Variants in RIMS2 observed in about 807,000 individuals in gnomAD.
RIMS2 encodes regulating synaptic membrane exocytosis protein 2.
In RIMS2, 59 loss-of-function variants were observed where a neutral mutation model predicts 174.4. That is an observed-to-expected ratio of 0.34 (90% confidence interval 0.27 to 0.42). The LOEUF is 0.42. RIMS2 is among the 10% of genes least tolerant of loss of function. The probability of loss-of-function intolerance (pLI) is 1.00; values close to 1 mark genes in which losing one functional copy is unlikely to be tolerated. For missense variants in RIMS2, 1,620 were observed against 1,666.3 expected (o/e 0.97, Z 0.48); for synonymous variants, 606 against 572.5 (o/e 1.06, Z -0.84).
At chr8:103,798,521 G>C (rs1359408407) in intron 3 of RIMS2, among the ~76,000 whole-genome samples, 1 of 152,052 alleles carries the variant, frequency 6.6e-6, no homozygotes, top group Admixed American at 6.6e-5. Context: ...GATACAGTGA[G>C]GTTTGTTAAT....
intron 16 of RIMS2, among the ~76,000 whole-genome samples, chr8:103,980,291 C>G (rs945217617): frequency 6.6e-6 from 1 of 152,070 alleles, no homozygotes; most frequent in Non-Finnish European, 1.5e-5. Context: ...AGCCCCCGTT[C>G]TAGGCCCTAG....
intron 6 of RIMS2, among the ~76,000 whole-genome samples, chr8:103,912,816 C>T (rs1005303954): frequency 2.0e-5 from 3 of 151,944 alleles, no homozygotes; most frequent in African/African-American, 7.2e-5. Context: ...CCAATTAAAA[C>T]CTGAAATGAA....
At chr8:103,989,349 G>T in exon 17 of RIMS2, 1 of 1,613,660 alleles carries the variant, frequency 6.2e-7, no homozygotes, top group Non-Finnish European at 8.5e-7. Context: ...ACTATGACCG[G>T]ACATTATAAT....
intron 1 of RIMS2, among the ~76,000 whole-genome samples, chr8:103,636,794 C>G (rs4133773): frequency 1.8e-4 from 10 of 55,544 alleles, no homozygotes; most frequent in Non-Finnish European, 4.1e-4. Context: ...CCGCACCCCC[C>G]CCCCCCCACA....
chr8:103,837,811 T>G (rs907841979), intron 3 of RIMS2, among the ~76,000 whole-genome samples: 2 of 151,630 alleles, frequency 1.3e-5, no homozygotes, highest in African/African-American at 2.4e-5. Context: ...GAATAGTGCC[T>G]CAATAAACAT....
At chr8:104,025,514 T>C (rs2096234192) in intron 19 of RIMS2, among the ~76,000 whole-genome samples, 1 of 152,030 alleles carries the variant, frequency 6.6e-6, no homozygotes, top group Non-Finnish European at 1.5e-5. Context: ...CAAAAAAGTT[T>C]GAAGTTGGGA....
At chr8:104,143,320 A>T (rs557349905) in intron 19 of RIMS2, among the ~76,000 whole-genome samples, 1 of 152,324 alleles carries the variant, frequency 6.6e-6, no homozygotes, top group Non-Finnish European at 1.5e-5. Context: ...ATTTTAGGAA[A>T]GGAATGGTAT....
At chr8:103,741,555 C>G (rs1030762771) in intron 2 of RIMS2, among the ~76,000 whole-genome samples, 1 of 151,980 alleles carries the variant, frequency 6.6e-6, no homozygotes. Context: ...GTGAGTCATT[C>G]TGTCTGTTTC....
In RIMS2 at chr8:103,894,178, T is replaced by C. The variant is rs189146553; in HGVS notation, c.1624+7955T>C. Reference sequence around the variant, plus strand: ...TAACTATTTTAAGAGAAACTTATACTGTGGTAAAGTTATTTCAACAATTAA... The same window carrying C: ...TAACTATTTTAAGAGAAACTTATACCGTGGTAAAGTTATTTCAACAATTAA... On this transcript the variant is annotated intron_variant, in intron 4 of 23. Transcript: ENST00000504942. Among the ~76,000 whole-genome samples the C allele has an allele frequency of 5.7e-4, 83 of 146,482 alleles. 1 individual carries two copies. The highest frequency in any genetic ancestry group is 1.9e-3 in the African/African-American group (74 of 39,608).
chr8:103,948,319 A>G lies in RIMS2; in HGVS notation c.2701+5393A>G, dbSNP rs184995802. The stretch of plus-strand genomic sequence containing the variant: ...TTAAAAATAAATTTACCGTATGACC[A>G]CTAATTCACCTTCAAGAGAAATGAA... On this transcript the variant is annotated intron_variant, in intron 14 of 23. Transcript: ENST00000504942. 1.9e-3 allele frequency among the ~76,000 whole-genome samples: 297 copies of G among 152,346 alleles called. 2 individuals are homozygous for G. The highest frequency in any genetic ancestry group is 6.9e-3 in the African/African-American group (288 of 41,592).
At chr8:103,716,345 T>C (rs2138200601) in intron 2 of RIMS2, 25 bp downstream of exon 5, 1 of 152,142 alleles carries the variant, frequency 6.6e-6, no homozygotes, top group South Asian at 2.1e-4. Flanking sequence ...TTCTGTCTAA[T>C]ATTAGTTTTT....
intron 1 of RIMS2, among the ~76,000 whole-genome samples, chr8:103,623,057 C>T (rs994559561): frequency 6.6e-6 from 1 of 152,090 alleles, no homozygotes; most frequent in Non-Finnish European, 1.5e-5. Context: ...ATAAGACAGT[C>T]TCAAAGAAAA....
chr8:103,605,698 G>C (rs1302809826), intron 1 of RIMS2, among the ~76,000 whole-genome samples: 2 of 152,178 alleles, frequency 1.3e-5, no homozygotes, highest in Admixed American at 1.3e-4. Flanking sequence ...GATCTGTTCA[G>C]AGATTCAACT....
chr8:103,549,412 G>C lies in RIMS2; in HGVS notation c.176+48350G>C, dbSNP rs567796590. 2.0e-5 allele frequency among the ~76,000 whole-genome samples: 3 copies of C among 152,240 alleles called. No individual in the cohort carries two copies. The South Asian group carries it at 6.2e-4, about 32-fold the overall frequency. On this transcript the variant is annotated intron_variant, in intron 1 of 23. Transcript: ENST00000504942. ...GAGAAACAAAATCCTTTATAGACAA[G>C]CAAATGTTGAGAGATTTTGTCAACA...
chr8:103,847,285 T>A (rs905735884), intron 3 of RIMS2, among the ~76,000 whole-genome samples: 1 of 152,068 alleles, frequency 6.6e-6, no homozygotes, highest in African/African-American at 2.4e-5. Context: ...ATCGGGGGCA[T>A]AGCAGCTTAT....
intron 17 of RIMS2, among the ~76,000 whole-genome samples, chr8:104,003,827 C>T (rs1329012765): frequency 6.6e-6 from 1 of 152,002 alleles, no homozygotes; most frequent in East Asian, 1.9e-4. Context: ...GTTCATTCAC[C>T]TTAGAGTACC....
intron 19 of RIMS2, among the ~76,000 whole-genome samples, chr8:104,198,086 C>A (rs1446769442): frequency 6.6e-6 from 1 of 152,040 alleles, no homozygotes; most frequent in East Asian, 1.9e-4. Context: ...AATCAATAAT[C>A]CTTTTATGAC....
chr8:104,092,370 A>G (rs962821686), intron 19 of RIMS2, among the ~76,000 whole-genome samples: 13 of 151,868 alleles, frequency 8.6e-5, no homozygotes, highest in Admixed American at 7.9e-4. Context: ...TGCAAAATTA[A>G]CTAGATAATA....
intron 4 of RIMS2, among the ~76,000 whole-genome samples, chr8:103,892,557 T>C (rs2099252936): frequency 6.6e-6 from 1 of 152,066 alleles, no homozygotes; most frequent in African/African-American, 2.4e-5. Context: ...AAGTCAAAGA[T>C]TGATTATTCT....
Sources: gnomAD v4.1 joint callset for allele counts (sites outside exome capture counted in the v4.1 genomes callset) on GRCh38, gnomAD v4.1.1 for gene constraint, MANE v1.5 for transcripts, NCBI Gene and HGNC (gene_info 2026-07-23, HGNC 2026-07-21) for gene names.